Variants in GRM5 observed in about 807,000 individuals in gnomAD.
GRM5 encodes the protein glutamate metabotropic receptor 5, also known as metabotropic glutamate receptor 5.
Under a neutral mutation model 83.1 loss-of-function variants are expected in GRM5, and 19 were observed. The observed-to-expected ratio is 0.23, with a 90% CI of 0.16 to 0.34. The LOEUF is 0.34. Ranked by LOEUF, GRM5 falls within the 10% of genes least tolerant of loss-of-function variation. The pLI is 1.00. For missense variants in GRM5, 1,160 were observed against 1,588.3 expected (o/e 0.73, Z 4.58); for synonymous variants, 675 against 633.6 (o/e 1.07, Z -0.98).
chr11:88,762,830 C>T (rs1411437748), intron 3 of GRM5, among the ~76,000 whole-genome samples: 1 of 151,944 alleles, frequency 6.6e-6, no homozygotes, highest in African/African-American at 2.4e-5. Context: ...CCATGGAGTA[C>T]TATGCAGTCA....
chr11:88,975,565 T>A (rs1396390), intron 2 of GRM5, among the ~76,000 whole-genome samples: 1 of 152,164 alleles, frequency 6.6e-6, no homozygotes, highest in Non-Finnish European at 1.5e-5. Flanking sequence ...ACCTTCTTAC[T>A]CACAGTGTGG....
chr11:88,691,617 C>G (rs535352916), intron 3 of GRM5, among the ~76,000 whole-genome samples: 1 of 152,252 alleles, frequency 6.6e-6, no homozygotes, highest in South Asian at 2.1e-4. Flanking sequence ...AGACTTCAAT[C>G]TCAACATCTA....
chr11:88,812,500 G>A (rs1033238411), intron 3 of GRM5, among the ~76,000 whole-genome samples: 15 of 152,072 alleles, frequency 9.9e-5, no homozygotes, highest in African/African-American at 3.6e-4. Flanking sequence ...TCTGAACCAG[G>A]TCTTTTGACT....
chr11:88,912,036 A>G (rs1399647504), intron 2 of GRM5: 1 of 469,726 alleles, frequency 2.1e-6, no homozygotes, highest in Non-Finnish European at 4.4e-6. Context: ...AGTCACAAAT[A>G]AGTATTGTAC....
chr11:89,060,817 G>C (rs1941976925), intron 1 of GRM5, among the ~76,000 whole-genome samples: 1 of 152,038 alleles, frequency 6.6e-6, no homozygotes, highest in African/African-American at 2.4e-5. Flanking sequence ...ACAAATAATT[G>C]AAAATTCAAA....
chr11:88,626,934 T>C (rs1174901513), intron 4 of GRM5, among the ~76,000 whole-genome samples: 1 of 152,188 alleles, frequency 6.6e-6, no homozygotes, highest in Non-Finnish European at 1.5e-5. Flanking sequence ...CCAACTATGT[T>C]CACATCCTGA....
rs116775712 is a variant in GRM5, at chr11:88,512,833, A to G, written c.2727-3329T>C. 7.0e-3 allele frequency among the ~76,000 whole-genome samples: 1,066 copies of G among 152,348 alleles called. 13 individuals carry two copies. The highest frequency in any genetic ancestry group is 0.024 in the African/African-American group (1,009 of 41,568). ...GAATACAGCATTTCAGAAAATAAAAAGTATACTCAATGCCATTTTGAACCC... is the reference window on the plus strand; with the variant it reads ...GAATACAGCATTTCAGAAAATAAAAGGTATACTCAATGCCATTTTGAACCC... On this transcript the variant is annotated intron_variant, in intron 9 of 9. Coordinates refer to ENST00000305447, the MANE Select transcript of GRM5 (RefSeq NM_001143831.3).
At chr11:88,562,634 C>A (rs568967680) in intron 8 of GRM5, among the ~76,000 whole-genome samples, 4 of 152,020 alleles carry the variant, frequency 2.6e-5, no homozygotes, top group Non-Finnish European at 4.4e-5. Context: ...CTTCTTACTT[C>A]TTTCCTCTTC....
At chr11:88,856,976 A>G (rs1944489103) in intron 2 of GRM5, among the ~76,000 whole-genome samples, 2 of 152,122 alleles carry the variant, frequency 1.3e-5, no homozygotes, top group East Asian at 1.9e-4. Context: ...GGTCTTTTTC[A>G]TATCTGTATG....
chr11:88,640,582 C>G (rs1010124373), intron 4 of GRM5, among the ~76,000 whole-genome samples: 1 of 152,104 alleles, frequency 6.6e-6, no homozygotes, highest in Non-Finnish European at 1.5e-5. Flanking sequence ...ACAAGACTAC[C>G]CTCCCTCTTC....
chr11:88,760,625 A>C (rs187139412), intron 3 of GRM5, among the ~76,000 whole-genome samples: 1 of 152,262 alleles, frequency 6.6e-6, no homozygotes, highest in East Asian at 1.9e-4. Flanking sequence ...AAATTCTACT[A>C]GATGTACAAA....
intron 2 of GRM5, among the ~76,000 whole-genome samples, chr11:88,913,275 G>A (rs1945530650): frequency 6.6e-6 from 1 of 152,062 alleles, no homozygotes; most frequent in African/African-American, 2.4e-5. Context: ...TATCTCCTGT[G>A]CCTCTCTATT....
chr11:88,910,130 G>C (rs968083293), intron 2 of GRM5, among the ~76,000 whole-genome samples: 4 of 151,806 alleles, frequency 2.6e-5, no homozygotes, highest in African/African-American at 9.7e-5. Context: ...CTCCATCAAC[G>C]TATCTATTCC....
chr11:88,736,612 G>T lies in GRM5; in HGVS notation c.912-83209C>A, dbSNP rs946093067. ...TTGTTACAAATATGTGAGTGTGAGGGGCATGGGGTCCTGCTTTGCTGGCAT... is the reference window on the plus strand; with the variant it reads ...TTGTTACAAATATGTGAGTGTGAGGTGCATGGGGTCCTGCTTTGCTGGCAT... On this transcript the variant is annotated intron_variant, in intron 3 of 9. Transcript: ENST00000305447. Among the ~76,000 whole-genome samples, 13 of 151,966 alleles carry T rather than the reference G, an allele frequency of 8.6e-5. 1 individual carries two copies. The highest frequency in any genetic ancestry group is 3.3e-4 in the Admixed American group (5 of 15,212).
chr11:88,590,013 T>C (rs1055738439), intron 7 of GRM5, among the ~76,000 whole-genome samples: 5 of 152,124 alleles, frequency 3.3e-5, no homozygotes, highest in Non-Finnish European at 5.9e-5. Context: ...GAGAACATGA[T>C]GACATATTCT....
intron 7 of GRM5, among the ~76,000 whole-genome samples, chr11:88,581,864 A>T (rs2135194444): frequency 6.6e-6 from 1 of 152,304 alleles, no homozygotes; most frequent in Non-Finnish European, 1.5e-5. Context: ...TATGACATGT[A>T]TCATTCCTTA....
rs112633245 is a variant in GRM5, at chr11:88,564,237, C to G, written c.2630+2816G>C. 9.9e-4 allele frequency among the ~76,000 whole-genome samples: 150 copies of G among 152,266 alleles called. 1 individual carries two copies. The highest frequency in any genetic ancestry group is 3.4e-3 in the African/African-American group (141 of 41,560). On this transcript the variant is annotated intron_variant, in intron 8 of 9. Coordinates refer to ENST00000305447, the MANE Select transcript of GRM5 (RefSeq NM_001143831.3). ...GACCAAACACTTGCCAAAGGTTTCTCTTTACCCTCTTTCAGATTCTAACAT... is the reference window on the plus strand; with the variant it reads ...GACCAAACACTTGCCAAAGGTTTCTGTTTACCCTCTTTCAGATTCTAACAT...
intron 2 of GRM5, among the ~76,000 whole-genome samples, chr11:88,917,928 CAG>C (rs1945622279): frequency 6.6e-6 from 1 of 151,870 alleles, no homozygotes; most frequent in Non-Finnish European, 1.5e-5. Flanking sequence ...AAAAAAATAA[CAG>C]AGAACTTTCC....
intron 3 of GRM5, among the ~76,000 whole-genome samples, chr11:88,745,551 C>T (rs1006550221): frequency 5.9e-5 from 9 of 152,140 alleles, no homozygotes; most frequent in African/African-American, 1.9e-4. Flanking sequence ...CTGAGCAGTT[C>T]GTTTGGACCT....
Sources: gnomAD v4.1 joint callset for allele counts (sites outside exome capture counted in the v4.1 genomes callset) on GRCh38, gnomAD v4.1.1 for gene constraint, MANE v1.5 for transcripts, NCBI Gene and HGNC (gene_info 2026-07-23, HGNC 2026-07-21) for gene names.